The following RIMS2 variants were observed in gnomAD, a reference collection of about 807,000 sequenced individuals.
The protein encoded by RIMS2 is regulating synaptic membrane exocytosis 2.
In RIMS2, 59 loss-of-function variants were observed where a neutral mutation model predicts 174.4. The ratio of observed to expected loss-of-function variants is 0.34; its 90% CI spans 0.27 to 0.42. The LOEUF is 0.42. RIMS2 is among the 10% of genes least tolerant of loss of function. The pLI, the probability that RIMS2 is intolerant of heterozygous loss-of-function variation, is 1.00. For missense variants in RIMS2, 1,620 were observed against 1,666.3 expected (o/e 0.97, Z 0.48); for synonymous variants, 606 against 572.5 (o/e 1.06, Z -0.84).
At chr8:103,551,288 G>C (rs1486785730) in intron 1 of RIMS2, among the ~76,000 whole-genome samples, 1 of 152,138 alleles carries the variant, frequency 6.6e-6, no homozygotes, top group Non-Finnish European at 1.5e-5. Context: ...TGCAAGGCTG[G>C]TTCAACATAC....
chr8:103,527,101 A>G (rs980504504), intron 1 of RIMS2, among the ~76,000 whole-genome samples: 2 of 152,220 alleles, frequency 1.3e-5, no homozygotes, highest in African/African-American at 4.8e-5. Flanking sequence ...CAATGGATTT[A>G]TGTCTTCAAA....
chr8:103,585,783 G>A (rs1250081194), intron 1 of RIMS2, among the ~76,000 whole-genome samples: 1 of 151,642 alleles, frequency 6.6e-6, no homozygotes, highest in African/African-American at 2.4e-5. Flanking sequence ...ATGCATGCGG[G>A]GCTTAAAAAC....
chr8:103,867,481 T>G (rs538762328), intron 3 of RIMS2, among the ~76,000 whole-genome samples: 1 of 151,984 alleles, frequency 6.6e-6, no homozygotes, highest in East Asian at 1.9e-4. Context: ...TCATCAGAAC[T>G]AACCTTTTAA....
intron 19 of RIMS2, among the ~76,000 whole-genome samples, chr8:104,195,405 A>T (rs2099019023): frequency 6.6e-6 from 1 of 152,010 alleles, no homozygotes; most frequent in African/African-American, 2.4e-5. Flanking sequence ...ATTTGGGGAT[A>T]TTTTGAGGTT....
At chr8:103,664,690 T>C (rs9773520) in intron 1 of RIMS2, among the ~76,000 whole-genome samples, 26,891 of 152,080 alleles carry the variant, frequency 0.18, 2,580 homozygotes, top group African/African-American at 0.24. Context: ...AGTGTAAATT[T>C]GTTCAACCAT....
At chr8:103,660,759 C>CT (rs2096590404) in intron 1 of RIMS2, among the ~76,000 whole-genome samples, 1 of 152,070 alleles carries the variant, frequency 6.6e-6, no homozygotes, top group Non-Finnish European at 1.5e-5. Flanking sequence ...ATATTAAATG[C>CT]TGTGTGGCTC....
At chr8:103,790,134 C>A (rs985698434) in intron 3 of RIMS2, among the ~76,000 whole-genome samples, 1 of 152,024 alleles carries the variant, frequency 6.6e-6, no homozygotes, top group Non-Finnish European at 1.5e-5. Flanking sequence ...TAAAATTAAC[C>A]CTTACAAATG....
At chr8:103,747,890 T>G (rs780043907) in intron 2 of RIMS2, among the ~76,000 whole-genome samples, 1 of 152,132 alleles carries the variant, frequency 6.6e-6, no homozygotes, top group Non-Finnish European at 1.5e-5. Context: ...GTGCTTTTAA[T>G]TTTGTGCTGT....
chr8:103,673,097 G>A (rs1027821009), intron 1 of RIMS2, among the ~76,000 whole-genome samples: 3 of 152,180 alleles, frequency 2.0e-5, no homozygotes, highest in Admixed American at 1.3e-4. Context: ...TTGACTCCAT[G>A]TCCTGCGTGC....
At chr8:103,788,668 C>T (rs1428558575) in intron 3 of RIMS2, among the ~76,000 whole-genome samples, 1 of 151,990 alleles carries the variant, frequency 6.6e-6, no homozygotes, top group Non-Finnish European at 1.5e-5. Flanking sequence ...CCACTGCTCT[C>T]TTCAAAGCTG....
intron 1 of RIMS2, among the ~76,000 whole-genome samples, chr8:103,658,838 T>C (rs1016323833): frequency 3.9e-5 from 6 of 152,196 alleles, no homozygotes; most frequent in Admixed American, 3.9e-4. Context: ...AGACTGCTTT[T>C]ACCTGTTGAT....
At chr8:103,806,419 G>A (rs564026443) in intron 3 of RIMS2, among the ~76,000 whole-genome samples, 13 of 150,494 alleles carry the variant, frequency 8.6e-5, no homozygotes, top group South Asian at 2.1e-4. Context: ...CAGTAGTACC[G>A]TGGAAGGAGC....
At chr8:103,807,856 G>C (rs16870722) in intron 3 of RIMS2, among the ~76,000 whole-genome samples, 4,736 of 152,062 alleles carry the variant, frequency 0.031, 224 homozygotes, top group African/African-American at 0.11. Context: ...GATTAATCCT[G>C]ATCTCTGTCC....
At chr8:104,062,952 A>G (rs1438812641) in intron 19 of RIMS2, among the ~76,000 whole-genome samples, 8 of 152,044 alleles carry the variant, frequency 5.3e-5, no homozygotes, top group African/African-American at 4.8e-5. Flanking sequence ...TATAAGTAAT[A>G]TACTTCTTTA....
At chr8:104,253,939 C>A (rs1173199357), downstream of RIMS2, 1 of 151,978 alleles carries the variant, frequency 6.6e-6, no homozygotes, top group Non-Finnish European at 1.5e-5. Flanking sequence ...TTCTGATGGA[C>A]CCAGGTAAAG....
intron 3 of RIMS2, among the ~76,000 whole-genome samples, chr8:103,792,390 T>G (rs1045002763): frequency 6.6e-6 from 1 of 152,030 alleles, no homozygotes; most frequent in Non-Finnish European, 1.5e-5. Flanking sequence ...AAAGAAACAA[T>G]GTACCAGAAT....
intron 1 of RIMS2, among the ~76,000 whole-genome samples, chr8:103,648,806 A>G (rs1001347649): frequency 3.4e-4 from 52 of 151,966 alleles, no homozygotes; most frequent in African/African-American, 1.2e-3. Context: ...ATTTTCCTCC[A>G]TCCTTTTATT....
intron 19 of RIMS2, among the ~76,000 whole-genome samples, chr8:104,066,466 C>T (rs2097106768): frequency 6.6e-6 from 1 of 152,064 alleles, no homozygotes; most frequent in African/African-American, 2.4e-5. Context: ...TTTTGAGAAA[C>T]TTTCCAAACA....
At chr8:103,908,310 C>T (rs1041981614) in intron 4 of RIMS2, among the ~76,000 whole-genome samples, 17 of 151,860 alleles carry the variant, frequency 1.1e-4, no homozygotes, top group Admixed American at 3.3e-4. Context: ...CAAAGTGTTG[C>T]GATTACAGGC....
Sources: gnomAD v4.1 joint callset for allele counts (sites outside exome capture counted in the v4.1 genomes callset) on GRCh38, gnomAD v4.1.1 for gene constraint, MANE v1.5 for transcripts, NCBI Gene and HGNC (gene_info 2026-07-23, HGNC 2026-07-21) for gene names.